Variants in CACNA1S observed in about 807,000 individuals in gnomAD.
The protein encoded by CACNA1S is calcium voltage-gated channel subunit alpha1 S, also known as voltage-dependent L-type calcium channel subunit alpha-1S.
Under a neutral mutation model 207.4 loss-of-function variants are expected in CACNA1S, and 126 were observed. That is an observed-to-expected ratio of 0.61 (90% confidence interval 0.53 to 0.70). The LOEUF (loss-of-function observed/expected upper bound fraction) is 0.70, where lower values mean the gene tolerates loss of function less well. Ranked by LOEUF, CACNA1S falls within the 30% of genes least tolerant of loss-of-function variation. The pLI, the probability that CACNA1S is intolerant of heterozygous loss-of-function variation, is 0.00. For missense variants in CACNA1S, 2,349 were observed against 2,422.8 expected (o/e 0.97, Z 0.64); for synonymous variants, 960 against 932.7 (o/e 1.03, Z -0.53).
In CACNA1S at chr1:201,069,579, T is replaced by C. The variant is rs1210676841; in HGVS notation, c.2383A>G (p.Ile795Val). 6.4e-7 allele frequency: 1 copy of C among 1,560,354 alleles called. No homozygotes were observed. The highest frequency in any genetic ancestry group is 8.7e-7 in the Non-Finnish European group (1 of 1,151,242). ...TNKIRVLCHRIVNATWFTNFI... is the reference protein window; with the variant it reads ...TNKIRVLCHRVVNATWFTNFI... Reference sequence around the variant, plus strand: ...TTGGTAAACCAGGTGGCATTGACGATGCGGTGACACAGGACACGGATCCTG... The same window carrying C: ...TTGGTAAACCAGGTGGCATTGACGACGCGGTGACACAGGACACGGATCCTG... Residue 795 changes from isoleucine (I) to valine (V), a missense_variant, in exon 18 of 44, where the codon ATC becomes GTC. Ile to Val is a conservative substitution (Grantham distance 29, BLOSUM62 3). Transcript: ENST00000362061.
At chr1:201,086,809 A>G (rs902306853) in intron 7 of CACNA1S, among the ~76,000 whole-genome samples, 2 of 152,282 alleles carry the variant, frequency 1.3e-5, no homozygotes, top group Admixed American at 6.5e-5. Flanking sequence ...AGTATGGAGT[A>G]GTTAGTGTAA....
chr1:201,112,188 T>A lies in CACNA1S; in HGVS notation c.152A>T (p.Lys51Met). 6 of 1,612,196 alleles carry A rather than the reference T, an allele frequency of 3.7e-6. No individual in the cohort carries two copies. Among genetic ancestry groups the A allele is most frequent in the Non-Finnish European group, 4.2e-6 (5 of 1,178,910 alleles). ...CCACGGCCCGGGCCCTGAAGGATACTTCCATTCTACAATGCTGATGCAGGC... is the reference window on the plus strand; with the variant it reads ...CCACGGCCCGGGCCCTGAAGGATACATCCATTCTACAATGCTGATGCAGGC... The part of the protein sequence containing the change: ...RKACISIVEW[K>M]PFETIILLTI... Residue 51 changes from lysine (K) to methionine (M), a missense_variant and splice_region_variant, in exon 1 of 44, where the codon AAG (lysine) becomes ATG (methionine). By Grantham distance (95) the Lys-to-Met change is moderately conservative. Coordinates refer to ENST00000362061, the MANE Select transcript of CACNA1S (RefSeq NM_000069.3).
In CACNA1S at chr1:201,085,039, C is replaced by T. The variant is rs766800214; in HGVS notation, c.1151-8G>A. 6.2e-7 allele frequency: 1 copy of T among 1,606,520 alleles called. No individual in the cohort carries two copies. The highest frequency in any genetic ancestry group is 1.1e-5 in the South Asian group (1 of 91,020). On this transcript the variant is annotated splice_polypyrimidine_tract_variant and splice_region_variant and intron_variant, in intron 8 of 43. Coordinates refer to ENST00000362061, the MANE Select transcript of CACNA1S (RefSeq NM_000069.3). ...CATCCAAAGACAGTTTTCCTGGAGACAGGAGAGAAAGAGTCAGCCAGCCTT... is the reference window on the plus strand; with the variant it reads ...CATCCAAAGACAGTTTTCCTGGAGATAGGAGAGAAAGAGTCAGCCAGCCTT...
chr1:201,107,938 C>G lies in CACNA1S; in HGVS notation c.258+2226G>C, dbSNP rs949549107. Among the ~76,000 whole-genome samples the G allele has an allele frequency of 2.2e-4, 33 of 152,248 alleles. No individual in the cohort carries two copies. In the Middle Eastern group the frequency reaches 0.014, roughly 63 times the overall value. ...TTTGGAAACATTTCTGATTAGGTTTCCGACTTGCAGGGAACTCATAATACT... is the reference window on the plus strand; with the variant it reads ...TTTGGAAACATTTCTGATTAGGTTTGCGACTTGCAGGGAACTCATAATACT... On this transcript the variant is annotated intron_variant, in intron 2 of 43. Transcript: ENST00000362061.
chr1:201,067,029 C>T (rs1230134501), intron 19 of CACNA1S, 36 bp from the exon 20 acceptor site: 1 of 1,421,724 alleles, frequency 7.0e-7, no homozygotes, highest in Non-Finnish European at 9.9e-7. Flanking sequence ...GATGGAGGAG[C>T]TTGGAGAACA....
At chr1:201,090,481 A>C (rs1057382382) in intron 5 of CACNA1S, among the ~76,000 whole-genome samples, 1 of 152,176 alleles carries the variant, frequency 6.6e-6, no homozygotes, top group Non-Finnish European at 1.5e-5. Flanking sequence ...ACTGGTGTTG[A>C]CTGTCCCTTT....
intron 22 of CACNA1S, among the ~76,000 whole-genome samples, chr1:201,064,730 C>T (rs1661184037): frequency 6.6e-6 from 1 of 152,208 alleles, no homozygotes; most frequent in African/African-American, 2.4e-5. Context: ...GAGCCAGAGA[C>T]ATCTGGAAAT....
At chr1:201,107,685 G>A (rs1662948235) in intron 2 of CACNA1S, among the ~76,000 whole-genome samples, 1 of 152,200 alleles carries the variant, frequency 6.6e-6, no homozygotes. Flanking sequence ...GCAGCCAATA[G>A]GGCAAGAGAG....
rs756803812 is a variant in CACNA1S at position 201,044,343 on chromosome 1, C to T, written c.4782G>A (p.Glu1594=). ...TCTCCCTCACCCGGAATATTCCCTC[C>T]TCCATCGCAGCCTCCACCATGGCTC... is the stretch of plus-strand genomic sequence containing the variant. ...LERAMVEAAM[E]EGIFRRTGGL... Residue 1594 remains glutamate (E), a synonymous_variant, in exon 39 of 44, where the codon GAG becomes GAA. Transcript: ENST00000362061. The T allele has an allele frequency of 3.7e-6, 6 of 1,613,736 alleles. No homozygotes were observed. The highest frequency in any genetic ancestry group is 1.7e-5 in the Admixed American group (1 of 60,010).
intron 2 of CACNA1S, among the ~76,000 whole-genome samples, chr1:201,099,206 C>T (rs1662551054): frequency 6.6e-6 from 1 of 152,214 alleles, no homozygotes; most frequent in Non-Finnish European, 1.5e-5. Flanking sequence ...TCTAGTCTCC[C>T]TATCTGGGAC....
chr1:201,067,174 A>T (rs1029422274), intron 19 of CACNA1S, among the ~76,000 whole-genome samples, 181 bp from the exon 20 acceptor site: 1 of 152,236 alleles, frequency 6.6e-6, no homozygotes, highest in Admixed American at 6.5e-5. Flanking sequence ...CTCTGCTCGC[A>T]GTTGTTGAAA....
Position 201,085,469 on chromosome 1 carries a change from C to T in CACNA1S, c.1117G>A (p.Gly373Ser). 1.2e-6 allele frequency: 2 copies of T among 1,613,448 alleles called. No individual in the cohort carries two copies. The highest frequency in any genetic ancestry group is 1.7e-6 in the Non-Finnish European group (2 of 1,179,956). The change falls in exon 8 of 44, where the codon GGC becomes AGC. Residue 373 changes from glycine (G) to serine (S), a missense_variant. Physicochemically the swap from Gly to Ser is moderately conservative, Grantham distance 56 (BLOSUM62 0). Transcript: ENST00000362061. ...AAGTCCTCAACATCCATGACCTCGC[C>T]CTGCGTGATCCAGCTCATGTAGCCC... ...LRGYMSWITQGEVMDVEDFRE... is the reference protein window; with the variant it reads ...LRGYMSWITQSEVMDVEDFRE...
chr1:201,073,506 G>A, intron 15 of CACNA1S, 43 bp downstream of exon 15: 2 of 1,461,590 alleles, frequency 1.4e-6, no homozygotes, highest in Non-Finnish European at 1.9e-6. Flanking sequence ...TGGATTGGAA[G>A]AGCCCCTAGA....
At chr1:201,064,574 C>T (rs1300896157) in intron 22 of CACNA1S, among the ~76,000 whole-genome samples, 1 of 152,212 alleles carries the variant, frequency 6.6e-6, no homozygotes, top group Non-Finnish European at 1.5e-5. Flanking sequence ...GATGCCATTT[C>T]ATGTCTAAGA....
chr1:201,099,223 G>A (rs910712448), intron 2 of CACNA1S, among the ~76,000 whole-genome samples: 2 of 152,218 alleles, frequency 1.3e-5, no homozygotes, highest in South Asian at 2.1e-4. Flanking sequence ...GGACCACAGA[G>A]GCAGCAGATA....
At chr1:201,048,493 CA>C in intron 36 of CACNA1S, 88 bp downstream of exon 36, 2 of 1,126,094 alleles carry the variant, frequency 1.8e-6, no homozygotes, top group Non-Finnish European at 2.7e-6. Context: ...TTCTTAAGAG[CA>C]ATCTTGAGCT....
chr1:201,064,042 G>A (rs543041050), intron 22 of CACNA1S, among the ~76,000 whole-genome samples: 3 of 152,336 alleles, frequency 2.0e-5, no homozygotes, highest in South Asian at 4.1e-4. Flanking sequence ...AGAGACAAAA[G>A]CATGGCGAGA....
intron 1 of CACNA1S, 107 bp downstream of exon 1, chr1:201,112,081 T>G: frequency 9.0e-7 from 1 of 1,107,142 alleles, no homozygotes; most frequent in East Asian, 2.5e-5. Flanking sequence ...CATGTCTAAG[T>G]GCCAGGCCTC....
intron 2 of CACNA1S, among the ~76,000 whole-genome samples, chr1:201,108,180 A>G: frequency 6.7e-6 from 1 of 149,164 alleles, no homozygotes; most frequent in Non-Finnish European, 1.5e-5. Flanking sequence ...ATCTTGGCTC[A>G]CTGCAGCCTC....
Sources: allele counts gnomAD v4.1 joint callset (sites outside exome capture counted in the v4.1 genomes callset), GRCh38; gene constraint gnomAD v4.1.1; transcripts MANE v1.5; gene names NCBI Gene and HGNC (gene_info 2026-07-23, HGNC 2026-07-21).